The following INPP5A variants were observed in gnomAD, a reference collection of about 807,000 sequenced individuals.
INPP5A encodes 43 kDa inositol polyphosphate 5-phophatase.
INPP5A carries 14 observed loss-of-function variants against 65.2 expected under a neutral mutation model. That is an observed-to-expected ratio of 0.21 (90% confidence interval 0.14 to 0.34). INPP5A has a LOEUF of 0.34. Ranked by LOEUF, INPP5A falls within the 10% of genes least tolerant of loss-of-function variation. The probability of loss-of-function intolerance (pLI) is 1.00; values close to 1 mark genes in which losing one functional copy is unlikely to be tolerated. For synonymous variants in INPP5A, 207 were observed against 208.3 expected (o/e 0.99, Z 0.05); for missense variants, 431 against 545.6 (o/e 0.79, Z 2.09).
chr10:132,595,295 C>T (rs2786886), intron 1 of INPP5A, among the ~76,000 whole-genome samples: 35,191 of 152,204 alleles, frequency 0.23, 4,857 homozygotes, highest in East Asian at 0.46. Context: ...CTGCTCGCGC[C>T]GGTGGGGGCT....
chr10:132,767,111 G>A (rs1179604231), intron 12 of INPP5A, among the ~76,000 whole-genome samples: 3 of 91,180 alleles, frequency 3.3e-5, no homozygotes, highest in African/African-American at 4.4e-5. Flanking sequence ...ATGCGGCCTC[G>A]GAGCTTGGGT....
At chr10:132,645,421 C>T (rs568041233) in intron 2 of INPP5A, among the ~76,000 whole-genome samples, 74 of 152,334 alleles carry the variant, frequency 4.9e-4, no homozygotes, top group Middle Eastern at 3.4e-3. Context: ...CCGGCACACG[C>T]GTGCTGGTAC....
At chr10:132,664,563 C>T (rs1007043497) in intron 4 of INPP5A, among the ~76,000 whole-genome samples, 2 of 152,278 alleles carry the variant, frequency 1.3e-5, no homozygotes, top group Non-Finnish European at 1.5e-5. Context: ...TTGCCCTGTG[C>T]GTTTGTGTGA....
At chr10:132,701,572 G>A (rs1471339897) in intron 6 of INPP5A, among the ~76,000 whole-genome samples, 1 of 152,244 alleles carries the variant, frequency 6.6e-6, no homozygotes, top group Admixed American at 6.5e-5. Flanking sequence ...GTTGGCTGAG[G>A]CCCCAGGACG....
At chr10:132,685,770 G>A (rs558271367) in intron 4 of INPP5A, among the ~76,000 whole-genome samples, 2 of 152,296 alleles carry the variant, frequency 1.3e-5, no homozygotes, top group East Asian at 1.9e-4. Context: ...GCCGGGACGC[G>A]TTGTTCTTTC....
intron 4 of INPP5A, among the ~76,000 whole-genome samples, chr10:132,671,397 T>TGGACTCCGCCCTCCCTGCTTC (rs1564958029): frequency 9.0e-4 from 69 of 76,942 alleles, no homozygotes; most frequent in Admixed American, 3.1e-3. Context: ...CTCCCTGCTC[T>TGGACTCCGCCCTCCCTGCTTC]GGACTCCGCC....
intron 2 of INPP5A, among the ~76,000 whole-genome samples, chr10:132,645,618 G>T (rs2072483587): frequency 6.6e-6 from 1 of 152,196 alleles, no homozygotes; most frequent in African/African-American, 2.4e-5. Context: ...AGGCTTCTGA[G>T]AAATCTGGAC....
chr10:132,555,404 C>A lies in INPP5A; in HGVS notation c.75+17233C>A, dbSNP rs935675254. On this transcript the variant is annotated intron_variant, in intron 1 of 15. Coordinates refer to ENST00000368594, the MANE Select transcript of INPP5A (RefSeq NM_005539.5). This position sits in a 1 kb window ranked among gnomAD's most constrained non-coding sequence, Gnocchi z 4.4. ...GGGGCCTATCTGTTTTTTTGAACTT[C>A]TGATAAGTTGCCTGGCCGGAAGGGG... is the stretch of plus-strand genomic sequence containing the variant. Among the ~76,000 whole-genome samples the A allele has an allele frequency of 1.3e-5, 2 of 151,968 alleles. No homozygotes were observed. Among genetic ancestry groups the A allele is most frequent in the African/African-American group, 4.8e-5 (2 of 41,354 alleles).
In INPP5A at chr10:132,575,904, C is replaced by T. The variant is rs557027135; in HGVS notation, c.76-32011C>T. Among the ~76,000 whole-genome samples, 4 of 152,300 alleles carry T rather than the reference C, an allele frequency of 2.6e-5. No individual in the cohort carries two copies. The highest frequency in any genetic ancestry group is 2.6e-4 in the Admixed American group (4 of 15,300). ...CAAAGGACCTGCTTGATGCCACTGA[C>T]ATCGCGGCTCTTGTGGACTGTGGAG... On this transcript the variant is annotated intron_variant, in intron 1 of 15. Coordinates refer to ENST00000368594, the MANE Select transcript of INPP5A (RefSeq NM_005539.5). The surrounding 1 kb of genome is among the most constrained non-coding windows in gnomAD (Gnocchi z 5.4).
intron 1 of INPP5A, among the ~76,000 whole-genome samples, chr10:132,595,219 C>A (rs1032100314): frequency 6.6e-6 from 1 of 152,222 alleles, no homozygotes; most frequent in African/African-American, 2.4e-5. Context: ...TTGCATTGGC[C>A]ACAGCGAGGA....
At chr10:132,765,127 G>A (rs1399634773) in intron 11 of INPP5A, among the ~76,000 whole-genome samples, 3 of 151,806 alleles carry the variant, frequency 2.0e-5, no homozygotes, top group Non-Finnish European at 2.9e-5. Flanking sequence ...GAACATGGTC[G>A]GGCCAGTCCT....
intron 2 of INPP5A, among the ~76,000 whole-genome samples, chr10:132,620,782 A>G (rs776877478): frequency 1.3e-5 from 2 of 152,232 alleles, no homozygotes; most frequent in African/African-American, 4.8e-5. Context: ...GGTGAATTCT[A>G]TATTTAAACA....
At chr10:132,691,515 C>T (rs1382732294) in intron 5 of INPP5A, among the ~76,000 whole-genome samples, 1 of 152,238 alleles carries the variant, frequency 6.6e-6, no homozygotes, top group Admixed American at 6.5e-5. Flanking sequence ...CGTCAGGCTG[C>T]GCCGTGCCGC....
chr10:132,544,055 A>G (rs1468797850), intron 1 of INPP5A, among the ~76,000 whole-genome samples: 4 of 152,358 alleles, frequency 2.6e-5, no homozygotes, highest in Middle Eastern at 3.4e-3. Context: ...CAGGCAGTCC[A>G]TGGTGGCTGC....
intron 4 of INPP5A, among the ~76,000 whole-genome samples, chr10:132,658,145 T>G (rs2072684377): frequency 6.6e-6 from 1 of 152,268 alleles, no homozygotes; most frequent in Non-Finnish European, 1.5e-5. Context: ...TGGAAGGTGT[T>G]GAAAGTAAAT....
Position 132,707,768 on chromosome 10 carries a change from T to C in INPP5A, c.475-545T>C, listed in dbSNP as rs895297863. The stretch of plus-strand genomic sequence containing the variant: ...TACGTTCGGTGGCTCTGCTAGGTGG[T>C]GGGGATCAGTGAGAGGCATCGGTGG... On this transcript the variant is annotated intron_variant, in intron 6 of 15. Transcript: ENST00000368594. This position sits in a 1 kb window ranked among gnomAD's most constrained non-coding sequence, Gnocchi z 5.5. 2.6e-4 allele frequency among the ~76,000 whole-genome samples: 40 copies of C among 151,964 alleles called. No individual in the cohort carries two copies. Among genetic ancestry groups the C allele is most frequent in the African/African-American group, 9.4e-4 (39 of 41,352 alleles).
chr10:132,740,105 G>A (rs554905568), intron 9 of INPP5A, among the ~76,000 whole-genome samples: 3 of 152,286 alleles, frequency 2.0e-5, no homozygotes, highest in South Asian at 2.1e-4. Context: ...CTGCACCAGC[G>A]TCCATAATGT....
intron 1 of INPP5A, among the ~76,000 whole-genome samples, chr10:132,563,446 C>T (rs544045535): frequency 2.6e-5 from 4 of 152,260 alleles, no homozygotes; most frequent in East Asian, 1.9e-4. Context: ...TGAACAGCAG[C>T]GCCGTCATCT....
chr10:132,557,916 C>T (rs1042569039), intron 1 of INPP5A, among the ~76,000 whole-genome samples: 8 of 152,210 alleles, frequency 5.3e-5, no homozygotes, highest in Non-Finnish European at 1.0e-4. Flanking sequence ...AGGCCCTGTG[C>T]TCCCTCAGTC....
Sources: allele counts gnomAD v4.1 joint callset (sites outside exome capture counted in the v4.1 genomes callset), GRCh38; gene constraint gnomAD v4.1.1; non-coding constraint Gnocchi (gnomAD v3.1); transcripts MANE v1.5; gene names NCBI Gene and HGNC (gene_info 2026-07-23, HGNC 2026-07-21).